Variants in ARHGEF10L observed in about 807,000 individuals in gnomAD.
ARHGEF10L encodes rho guanine nucleotide exchange factor 10-like protein.
In ARHGEF10L, 69 loss-of-function variants were observed where a neutral mutation model predicts 141.2. That is an observed-to-expected ratio of 0.49 (90% CI 0.40 to 0.60). The LOEUF is 0.60. ARHGEF10L is among the 20% of genes least tolerant of loss of function. The probability of loss-of-function intolerance (pLI) is 0.00; values close to 1 mark genes in which losing one functional copy is unlikely to be tolerated. For missense variants in ARHGEF10L, 1,482 were observed against 1,734.3 expected, an observed-to-expected ratio of 0.85 and a Z score of 2.58; for synonymous variants, 711 against 718.5, an observed-to-expected ratio of 0.99 and a Z score of 0.17.
chr1:17,544,321 G>A (rs1489598537), intron 1 of ARHGEF10L, among the ~76,000 whole-genome samples: 3 of 149,958 alleles, frequency 2.0e-5, no homozygotes, highest in South Asian at 4.3e-4. Context: ...TGGAGTTTTG[G>A]CTCTTGTTGC....
chr1:17,645,859 G>T (rs1220415630), intron 21 of ARHGEF10L, among the ~76,000 whole-genome samples: 1 of 152,250 alleles, frequency 6.6e-6, no homozygotes, highest in Non-Finnish European at 1.5e-5. Context: ...TGGCTGTGAG[G>T]ATGCAGTGAG....
At chr1:17,629,038 T>C (rs1479118600) in intron 15 of ARHGEF10L, among the ~76,000 whole-genome samples, 1 of 152,110 alleles carries the variant, frequency 6.6e-6, no homozygotes, top group Non-Finnish European at 1.5e-5. Flanking sequence ...AATTTTATTT[T>C]GAGACAGGGC....
intron 2 of ARHGEF10L, among the ~76,000 whole-genome samples, chr1:17,583,215 AAAAAAAAAG>A (rs2078735913): frequency 6.6e-6 from 1 of 150,378 alleles, no homozygotes; most frequent in Non-Finnish European, 1.5e-5. Context: ...AAAAAAAAAA[AAAAAAAAAG>A]AAGGTGTAGA....
At chr1:17,600,972 C>T (rs1453437901) in intron 4 of ARHGEF10L, among the ~76,000 whole-genome samples, 1 of 150,940 alleles carries the variant, frequency 6.6e-6, no homozygotes, top group African/African-American at 2.4e-5. Flanking sequence ...ATTGCTTGAA[C>T]CCGGGAGGCA....
chr1:17,578,688 T>A (rs1399237134), intron 1 of ARHGEF10L, among the ~76,000 whole-genome samples: 4 of 152,070 alleles, frequency 2.6e-5, no homozygotes, highest in African/African-American at 9.7e-5. Context: ...GCAGCCTCAG[T>A]ACCTATCGAT....
intron 4 of ARHGEF10L, among the ~76,000 whole-genome samples, chr1:17,600,142 C>A (rs1008233791): frequency 6.6e-6 from 1 of 152,252 alleles, no homozygotes; most frequent in Non-Finnish European, 1.5e-5. Context: ...TACTTCCCTG[C>A]AGAATGCAGA....
chr1:17,584,749 G>T (rs72648428), intron 2 of ARHGEF10L, among the ~76,000 whole-genome samples: 1 of 152,294 alleles, frequency 6.6e-6, no homozygotes, highest in African/African-American at 2.4e-5. Flanking sequence ...AGGTCCTGAG[G>T]CAGGAGCATG....
chr1:17,601,700 C>A (rs1278634731), intron 4 of ARHGEF10L, among the ~76,000 whole-genome samples: 1 of 152,156 alleles, frequency 6.6e-6, no homozygotes, highest in African/African-American at 2.4e-5. Flanking sequence ...CATGCCTTGG[C>A]CTCCCAAAGT....
At chr1:17,578,720 C>T (rs963849268) in intron 1 of ARHGEF10L, among the ~76,000 whole-genome samples, 23 of 152,162 alleles carry the variant, frequency 1.5e-4, no homozygotes, top group African/African-American at 5.3e-4. Flanking sequence ...AAATTATACC[C>T]CCACAAAAAA....
At chr1:17,662,503 G>A (rs114704420) in intron 25 of ARHGEF10L, among the ~76,000 whole-genome samples, 6 of 152,278 alleles carry the variant, frequency 3.9e-5, no homozygotes, top group Middle Eastern at 3.4e-3. Flanking sequence ...CTGGCTGGCC[G>A]GGCAGAGCGC....
chr1:17,640,449 C>T (rs1000309764), intron 21 of ARHGEF10L, 147 bp downstream of exon 21: 3 of 655,634 alleles, frequency 4.6e-6, no homozygotes, highest in South Asian at 4.1e-5. Context: ...GGTGGAGAAA[C>T]AGCTGGGGCC....
intron 27 of ARHGEF10L, among the ~76,000 whole-genome samples, chr1:17,692,612 CG>C (rs2065189216): frequency 6.6e-6 from 1 of 152,184 alleles, no homozygotes; most frequent in African/African-American, 2.4e-5. Context: ...TCACTGCCGC[CG>C]CCCTTCCCAC....
chr1:17,665,160 C>G (rs534293341), intron 26 of ARHGEF10L, among the ~76,000 whole-genome samples: 3 of 152,164 alleles, frequency 2.0e-5, no homozygotes, highest in Non-Finnish European at 4.4e-5. Flanking sequence ...CCATCCTGGG[C>G]GGGAGACTCA....
chr1:17,649,952 A>C (rs2061819746), intron 22 of ARHGEF10L, among the ~76,000 whole-genome samples: 2 of 152,200 alleles, frequency 1.3e-5, no homozygotes, highest in African/African-American at 4.8e-5. Context: ...GGTGAGCTGG[A>C]CCACGCCAGC....
At chr1:17,574,759 C>G (rs996129154) in intron 1 of ARHGEF10L, among the ~76,000 whole-genome samples, 1 of 152,202 alleles carries the variant, frequency 6.6e-6, no homozygotes, top group Admixed American at 6.5e-5. Flanking sequence ...TGGCCCTTTG[C>G]GCTGAGAAGA....
At chr1:17,653,984 C>T (rs1436170882) in intron 22 of ARHGEF10L, among the ~76,000 whole-genome samples, 4 of 152,348 alleles carry the variant, frequency 2.6e-5, no homozygotes, top group East Asian at 1.9e-4. Flanking sequence ...GCCCAGTGGT[C>T]GGCTGCATCC....
At chr1:17,678,233 CT>C (rs1214686297) in intron 26 of ARHGEF10L, among the ~76,000 whole-genome samples, 1 of 152,176 alleles carries the variant, frequency 6.6e-6, no homozygotes, top group Non-Finnish European at 1.5e-5. Flanking sequence ...AGGTGGCTGG[CT>C]GCCCAACCCT....
At chr1:17,653,412 C>T (rs1295058803) in intron 22 of ARHGEF10L, among the ~76,000 whole-genome samples, 4 of 152,228 alleles carry the variant, frequency 2.6e-5, no homozygotes, top group African/African-American at 9.6e-5. Flanking sequence ...TTCGACCCGG[C>T]TCTGTTGACT....
chr1:17,556,278 G>C lies in ARHGEF10L; in HGVS notation c.-44+16328G>C, dbSNP rs1455606236. ...GGGCCTGGGAGCATGGCGGCGGGGG[G>C]GGGGCCTGGGAGCACAGGGCGGGCC... On this transcript the variant is annotated intron_variant, in intron 1 of 28. Transcript: ENST00000361221. 5.1e-4 allele frequency among the ~76,000 whole-genome samples: 59 copies of C among 114,768 alleles called. 3 individuals carry two copies. The highest frequency in any genetic ancestry group is 3.9e-3 in the Admixed American group (45 of 11,576). The allele number at this position is 114,768 out of a possible 152,430, so 75.3% of individuals were successfully genotyped here.
Sources: gnomAD v4.1 joint callset for allele counts (sites outside exome capture counted in the v4.1 genomes callset) on GRCh38, gnomAD v4.1.1 for gene constraint, MANE v1.5 for transcripts, NCBI Gene and HGNC (gene_info 2026-07-23, HGNC 2026-07-21) for gene names.